The following MYO5C variants were observed in gnomAD, a reference collection of about 807,000 sequenced individuals.
The protein encoded by MYO5C is myosin VC.
Under a neutral mutation model 235.7 loss-of-function variants are expected in MYO5C, and 194 were observed. The ratio of observed to expected loss-of-function variants is 0.82; its 90% CI spans 0.73 to 0.93. The LOEUF (loss-of-function observed/expected upper bound fraction) is 0.93. Among genes scored for constraint, MYO5C ranks in the 40% least tolerant of loss-of-function variants. The pLI is 0.00. For missense variants in MYO5C, 2,038 were observed against 2,127.2 expected (o/e 0.96, Z 0.82); for synonymous variants, 707 against 754.8 (o/e 0.94, Z 1.04).
intron 12 of MYO5C, 142 bp from the exon 13 acceptor site, chr15:52,251,657 A>G (rs1450473852): frequency 3.9e-6 from 1 of 254,322 alleles, no homozygotes; most frequent in East Asian, 7.4e-5. Flanking sequence ...TTATTTATTT[A>G]TTTATTTATT....
intron 38 of MYO5C, among the ~76,000 whole-genome samples, chr15:52,197,006 TGA>T (rs2035068483): frequency 6.6e-6 from 1 of 152,158 alleles, no homozygotes; most frequent in Non-Finnish European, 1.5e-5. Flanking sequence ...CTGGGCACAA[TGA>T]GAGTGTTGAG....
intron 37 of MYO5C, 87 bp from the exon 38 acceptor site, chr15:52,205,234 G>A: frequency 6.9e-7 from 1 of 1,440,188 alleles, no homozygotes; most frequent in South Asian, 1.3e-5. Context: ...TCAGGAGATG[G>A]GACATTTTTC....
rs904680060 is a variant in MYO5C, at chr15:52,235,853, CTTAAA to C, written c.2869-95_2869-91del. On this transcript the variant is annotated intron_variant, in intron 22 of 40. Transcript: ENST00000261839. Reference sequence around the variant, plus strand: ...CTTTCTTCACAAAAAGATGTATATTCTTAAATTAGTTTATTTTTTCTCAGCTCCTG... The same window carrying C: ...CTTTCTTCACAAAAAGATGTATATTCTTAGTTTATTTTTTCTCAGCTCCTG... The C allele has an allele frequency of 8.3e-5, 65 of 786,884 alleles. No homozygotes were observed. The African/African-American group carries it at 1.0e-3, about 12-fold the overall frequency. 48.7% of individuals were successfully genotyped at this position (786,884 alleles called of 1,614,324 possible).
chr15:52,295,539 G>T, intron 1 of MYO5C, 71 bp downstream of exon 1: 2 of 1,476,850 alleles, frequency 1.4e-6, no homozygotes, highest in African/African-American at 1.5e-5. Context: ...TGGCCCGGGC[G>T]CCAGGTCGAG....
chr15:52,253,556 G>A, intron 11 of MYO5C, 99 bp from the exon 12 acceptor site: 1 of 1,118,352 alleles, frequency 8.9e-7, no homozygotes, highest in East Asian at 2.4e-5. Flanking sequence ...TGGTTGATCT[G>A]TAATATTTAT....
intron 7 of MYO5C, among the ~76,000 whole-genome samples, chr15:52,270,976 G>A (rs1329574015): frequency 6.6e-6 from 1 of 152,110 alleles, no homozygotes; most frequent in Non-Finnish European, 1.5e-5. Flanking sequence ...CACGGGGCTC[G>A]GGGCCTTTTG....
Position 52,237,501 on chromosome 15 carries a change from T to C in MYO5C, c.2849A>G (p.Tyr950Cys). The change falls in exon 22 of 41, where the codon TAC becomes TGC. Residue 950 changes from tyrosine (Y) to cysteine (C), a missense_variant. Coordinates refer to ENST00000261839, the MANE Select transcript of MYO5C (RefSeq NM_018728.4). ...RRNYEEKGKR[Y>C]RDAVEEKLAK... Reference sequence around the variant, plus strand: ...GCTGACCTCTTCCACAGCATCCCTGTATCTCTTCCCCTTCTCCTCGTAATT... The same window carrying C: ...GCTGACCTCTTCCACAGCATCCCTGCATCTCTTCCCCTTCTCCTCGTAATT... The C allele has an allele frequency of 6.2e-7, 1 of 1,614,152 alleles. No individual in the cohort carries two copies. The highest frequency in any genetic ancestry group is 8.5e-7 in the Non-Finnish European group (1 of 1,180,006).
At chr15:52,269,444 T>A (rs1392215355) in intron 8 of MYO5C, among the ~76,000 whole-genome samples, 1 of 140,174 alleles carries the variant, frequency 7.1e-6, no homozygotes, top group African/African-American at 2.6e-5. Flanking sequence ...CAGGCTGGAG[T>A]GCAGTGGTGT....
chr15:52,203,174 T>A (rs564960345), intron 38 of MYO5C, among the ~76,000 whole-genome samples: 1 of 152,032 alleles, frequency 6.6e-6, no homozygotes, highest in South Asian at 2.1e-4. Context: ...TCCGCCCACC[T>A]CGACCTCCCA....
intron 18 of MYO5C, among the ~76,000 whole-genome samples, chr15:52,244,976 C>G (rs141589874): frequency 3.7e-4 from 57 of 152,346 alleles, no homozygotes; most frequent in African/African-American, 1.3e-3. Context: ...TCTTTCCCAT[C>G]ACAACTCATC....
intron 7 of MYO5C, 120 bp from the exon 8 acceptor site, chr15:52,269,980 C>A: frequency 2.8e-6 from 2 of 722,244 alleles, no homozygotes; most frequent in South Asian, 3.3e-5. Flanking sequence ...ACAGTTTATT[C>A]CATTTATTCC....
rs1368168591 is a variant in MYO5C, at chr15:52,202,305, A to G, written c.4820+2560T>C. The stretch of plus-strand genomic sequence containing the variant: ...GGCAGAAGAATTGTTTGAACCCGGG[A>G]GGCGAAGGTTGCAGTGAGCCAAGAT... On this transcript the variant is annotated intron_variant, in intron 38 of 40. Coordinates refer to ENST00000261839, the MANE Select transcript of MYO5C (RefSeq NM_018728.4). Among the ~76,000 whole-genome samples the G allele has an allele frequency of 2.6e-5, 4 of 152,294 alleles. No individual in the cohort carries two copies. In the East Asian group the frequency reaches 7.7e-4, roughly 29 times the overall value.
chr15:52,261,122 A>G lies in MYO5C; in HGVS notation c.1053T>C (p.Asp351=), dbSNP rs201544019. The G allele has an allele frequency of 1.2e-6, 2 of 1,613,326 alleles. No homozygotes were observed. The highest frequency in any genetic ancestry group is 1.7e-5 in the Admixed American group (1 of 59,998). Residue 351 remains aspartate, a synonymous_variant, in exon 10 of 41, where the codon GAT becomes GAC. Transcript: ENST00000261839. ...VGNERSSVSE[D]DSHLKVFCEL... is the part of the protein sequence containing the mutation. The stretch of plus-strand genomic sequence containing the variant: ...CACAGAACACCTTCAGGTGACTGTC[A>G]TCCTCCTTCAAAAACAAGCACAAGC...
Position 52,248,739 on chromosome 15 carries a change from G to A in MYO5C, c.1707C>T (p.Thr569=), listed in dbSNP as rs761562334. 1.2e-5 allele frequency: 20 copies of A among 1,613,920 alleles called. No homozygotes were observed. The highest frequency in any genetic ancestry group is 3.3e-4 in the Middle Eastern group (2 of 6,060). Reference sequence around the variant, plus strand: ...GGATTTCAACCAGCATGTCATAGACGGTGTCTCTGTTTTTCTCCAGGAAAC... The same window carrying A: ...GGATTTCAACCAGCATGTCATAGACAGTGTCTCTGTTTTTCTCCAGGAAAC... ...CEGFLEKNRD[T]VYDMLVEILR... is the part of the protein sequence containing the mutation. The change falls in exon 14 of 41, where the codon ACC becomes ACT. Residue 569 remains threonine, a synonymous_variant. Transcript: ENST00000261839.
At chr15:52,291,682 C>A (rs947087790) in intron 1 of MYO5C, among the ~76,000 whole-genome samples, 1 of 146,044 alleles carries the variant, frequency 6.8e-6, no homozygotes, top group Non-Finnish European at 1.5e-5. Flanking sequence ...ACCGTCCAAT[C>A]TTTAGGCAGT....
intron 12 of MYO5C, among the ~76,000 whole-genome samples, chr15:52,252,100 T>C (rs2036485079): frequency 6.6e-6 from 1 of 152,218 alleles, no homozygotes; most frequent in Admixed American, 6.5e-5. Flanking sequence ...GATATTTTAA[T>C]GGATACATCA....
chr15:52,224,009 G>A (rs144095647), intron 28 of MYO5C, among the ~76,000 whole-genome samples: 16 of 152,274 alleles, frequency 1.1e-4, no homozygotes, highest in East Asian at 1.9e-4. Context: ...CTGGCCAGAC[G>A]CAGTGGCTCA....
At chr15:52,236,302 C>A (rs1233011044) in intron 22 of MYO5C, among the ~76,000 whole-genome samples, 1 of 152,208 alleles carries the variant, frequency 6.6e-6, no homozygotes, top group South Asian at 2.1e-4. Flanking sequence ...GTTGGTGCAC[C>A]CAGCACCGGG....
intron 3 of MYO5C, 60 bp from the exon 4 acceptor site, chr15:52,279,077 T>G (rs949394248): frequency 1.3e-6 from 2 of 1,552,940 alleles, no homozygotes; most frequent in Non-Finnish European, 1.7e-6. Context: ...TCTCCAGTTT[T>G]TTTTTTTTTA....
Sources: gnomAD v4.1 joint callset for allele counts (sites outside exome capture counted in the v4.1 genomes callset) on GRCh38, gnomAD v4.1.1 for gene constraint, MANE v1.5 for transcripts, NCBI Gene and HGNC (gene_info 2026-07-23, HGNC 2026-07-21) for gene names.